ZNF841: variants seen among roughly 807,000 people sequenced by gnomAD.
The protein encoded by ZNF841 is zinc finger protein 841, also known as TCONS_00006091.
Under a neutral mutation model 13.0 loss-of-function variants are expected in ZNF841, and 11 were observed. The ratio of observed to expected loss-of-function variants is 0.85; its 90% CI spans 0.53 to 1.40. The LOEUF is 1.40. Among genes scored for constraint, ZNF841 ranks in the 40% most tolerant of loss-of-function variants. The pLI is 0.00. For missense variants in ZNF841, 1,068 were observed against 1,139.5 expected (o/e 0.94, Z 0.90); for synonymous variants, 369 against 381.6 (o/e 0.97, Z 0.38).
At chr19:52,092,879 G>A (rs1019877377) in intron 2 of ZNF841, among the ~76,000 whole-genome samples, 5 of 152,224 alleles carry the variant, frequency 3.3e-5, no homozygotes, top group African/African-American at 1.2e-4. Flanking sequence ...CTAACACTTT[G>A]GGAGGCCAAG....
At chr19:52,071,436 G>A (rs2087735654) in intron 6 of ZNF841, among the ~76,000 whole-genome samples, 2 of 152,070 alleles carry the variant, frequency 1.3e-5, no homozygotes, top group Admixed American at 6.6e-5. Context: ...TTAAGGAGAC[G>A]GGGTGCAGAA....
chr19:52,090,262 G>C (rs768520187), intron 2 of ZNF841, among the ~76,000 whole-genome samples: 1 of 152,032 alleles, frequency 6.6e-6, no homozygotes, highest in African/African-American at 2.4e-5. Context: ...TTAAGACACT[G>C]ATAAAAGATA....
chr19:52,077,791 T>C (rs1281386051), intron 4 of ZNF841, among the ~76,000 whole-genome samples: 1 of 152,176 alleles, frequency 6.6e-6, no homozygotes, highest in Non-Finnish European at 1.5e-5. Flanking sequence ...ACTAACTAAC[T>C]TATGAACAAC....
chr19:52,063,368 A>C (rs1207387523), downstream of ZNF841, among the ~76,000 whole-genome samples: 1 of 151,742 alleles, frequency 6.6e-6, no homozygotes, highest in Admixed American at 6.6e-5. Flanking sequence ...TATTTTTTTG[A>C]GACAGAGTCT....
chr19:52,065,776 A>AT lies in ZNF841; in HGVS notation c.2105dup (p.Asn702LysfsTer11). The AT allele has an allele frequency of 6.2e-7, 1 of 1,610,378 alleles. No individual in the cohort carries two copies. Among genetic ancestry groups the AT allele is most frequent in the Non-Finnish European group, 8.5e-7 (1 of 1,177,912 alleles). On this transcript the variant is annotated frameshift_variant, in exon 7 of 7. Coordinates refer to ENST00000594440, the MANE Select transcript of ZNF841 (RefSeq NM_001136499.2). LOFTEE classifies it low-confidence loss of function (END_TRUNC). ...ATTTGTGTGGTTTCTCCCCAGTAGG[A>AT]TTTCTGTGATATCTTGCAAGTTTTG...
At chr19:52,094,338 G>C (rs977555425) in intron 1 of ZNF841, among the ~76,000 whole-genome samples, 7 of 152,100 alleles carry the variant, frequency 4.6e-5, no homozygotes, top group African/African-American at 1.7e-4. Context: ...CAACTGTCAC[G>C]CATCTGGATG....
chr19:52,090,630 A>AGAAAGAAAGAAGGAAG (rs1555782680), intron 2 of ZNF841, among the ~76,000 whole-genome samples: 4 of 90,562 alleles, frequency 4.4e-5, no homozygotes, highest in East Asian at 7.2e-4. Flanking sequence ...AAAGAAAGAA[A>AGAAAGAAAGAAGGAAG]GAAGGAAGGA....
At chr19:52,073,066 C>A (rs371538024) in intron 6 of ZNF841, among the ~76,000 whole-genome samples, 1 of 152,006 alleles carries the variant, frequency 6.6e-6, no homozygotes, top group Non-Finnish European at 1.5e-5. Flanking sequence ...CACCTACAAC[C>A]AACTGATCCT....
intron 3 of ZNF841, among the ~76,000 whole-genome samples, 149 bp downstream of exon 3, chr19:52,088,786 GGC>G (rs2088374983): frequency 6.6e-6 from 1 of 152,044 alleles, no homozygotes; most frequent in Non-Finnish European, 1.5e-5. Context: ...CTGTGGTTCT[GGC>G]ACATTTTTCA....
intron 3 of ZNF841, among the ~76,000 whole-genome samples, chr19:52,087,426 CT>C (rs1403744492): frequency 3.3e-5 from 5 of 152,118 alleles, no homozygotes; most frequent in Admixed American, 3.3e-4. Flanking sequence ...TCCAAGTATT[CT>C]CATCATTTAC....
chr19:52,070,272 T>C (rs1250939534), intron 6 of ZNF841, among the ~76,000 whole-genome samples: 9 of 152,196 alleles, frequency 5.9e-5, no homozygotes, highest in African/African-American at 9.7e-5. Flanking sequence ...GTAACCCACA[T>C]GGACCTAGGA....
rs1282857218 is a variant in ZNF841, at chr19:52,067,159, A to G, written c.723T>C (p.Asp241=). ...QTNISRKYGN[D]FLQLSLPTQD... The stretch of plus-strand genomic sequence containing the variant: ...GTGTAGGTAACGAAAGTTGCAAAAA[A>G]TCATTCCCATATTTCCTAGAAATGT... The change falls in exon 7 of 7, where the codon GAT becomes GAC. Residue 241 remains aspartate (D), a synonymous_variant. Transcript: ENST00000594440. 5 of 1,553,818 alleles carry G rather than the reference A, an allele frequency of 3.2e-6. No homozygotes were observed. The Admixed American group carries it at 7.8e-5, about 24-fold the overall frequency.
chr19:52,074,264 G>A (rs1479442882), intron 6 of ZNF841, among the ~76,000 whole-genome samples: 3 of 152,074 alleles, frequency 2.0e-5, no homozygotes, highest in African/African-American at 7.2e-5. Flanking sequence ...CAAAAATATG[G>A]AACTGATTAA....
At position 52,095,573 on chromosome 19, in the gene ZNF841, A is replaced by G. The variant is rs1254267312; in HGVS notation, c.-270+2T>C. ...CGAAAGGGAAGCAATTCTCCTACTT[A>G]CTTGGGACGAAGGGGCTGTTGCGGG... On this transcript the variant is annotated splice_donor_variant, in intron 1 of 6. Coordinates refer to ENST00000594440, the MANE Select transcript of ZNF841 (RefSeq NM_001136499.2). LOFTEE classifies it low-confidence loss of function (5UTR_SPLICE). 6.6e-6 allele frequency: 1 copy of G among 152,416 alleles called. No homozygotes were observed. Among genetic ancestry groups the G allele is most frequent in the Non-Finnish European group, 1.5e-5 (1 of 68,214 alleles). The allele number at this position is 152,416 out of a possible 1,614,324, so 9.4% of individuals were successfully genotyped here.
chr19:52,090,681 A>AAGAAAGAAAG (rs1568549709), intron 2 of ZNF841, among the ~76,000 whole-genome samples: 4 of 149,544 alleles, frequency 2.7e-5, no homozygotes, highest in African/African-American at 7.4e-5. Flanking sequence ...GAAAGAAAGA[A>AAGAAAGAAAG]AGAAAGAAAG....
chr19:52,091,245 T>C (rs906776035), intron 2 of ZNF841, among the ~76,000 whole-genome samples: 1 of 152,152 alleles, frequency 6.6e-6, no homozygotes, highest in Non-Finnish European at 1.5e-5. Flanking sequence ...AAGAATATTT[T>C]AAAATGATTA....
chr19:52,061,204 A>AT (rs2123183697), downstream of ZNF841, among the ~76,000 whole-genome samples: 1 of 152,292 alleles, frequency 6.6e-6, no homozygotes, highest in South Asian at 2.1e-4. Context: ...CTCTCCACCT[A>AT]TTCCACCTGA....
chr19:52,059,390 T>TATATATATACACACACACACAC, the ZNF841 span, among the ~76,000 whole-genome samples: 1 of 96,386 alleles, frequency 1.0e-5, no homozygotes, highest in African/African-American at 4.2e-5. Flanking sequence ...TATATATATA[T>TATATATATACACACACACACAC]ACACACACAC....
At chr19:52,080,905 T>C (rs372226966) in intron 4 of ZNF841, among the ~76,000 whole-genome samples, 18 of 152,160 alleles carry the variant, frequency 1.2e-4, no homozygotes, top group African/African-American at 3.9e-4. Flanking sequence ...GGTAGATGAT[T>C]TTTAAAATAG....
Sources: allele counts gnomAD v4.1 joint callset (sites outside exome capture counted in the v4.1 genomes callset), GRCh38; gene constraint gnomAD v4.1.1; transcripts MANE v1.5; gene names NCBI Gene and HGNC (gene_info 2026-07-23, HGNC 2026-07-21).